The following EPHA5 variants were observed in gnomAD, a reference collection of about 807,000 sequenced individuals.
The protein encoded by EPHA5 is EPH receptor A5, also known as ephrin type-A receptor 5.
A neutral mutation model predicts 105.0 loss-of-function variants in EPHA5; 60 were observed. That is an observed-to-expected ratio of 0.57 (90% CI 0.46 to 0.71). The LOEUF is 0.71. Among genes scored for constraint, EPHA5 ranks in the 30% least tolerant of loss-of-function variants. The pLI is 0.00. For synonymous variants in EPHA5, 513 were observed against 449.1 expected (o/e 1.14, Z -1.80); for missense variants, 1,218 against 1,274.7 (o/e 0.96, Z 0.68).
At chr4:65,626,510 C>A (rs1746174438) in intron 2 of EPHA5, among the ~76,000 whole-genome samples, 1 of 152,004 alleles carries the variant, frequency 6.6e-6, no homozygotes, top group South Asian at 2.1e-4. Context: ...GTATTTAATT[C>A]TACAATAATA....
chr4:65,584,955 T>C (rs1023860972), intron 3 of EPHA5, among the ~76,000 whole-genome samples: 2 of 152,014 alleles, frequency 1.3e-5, no homozygotes, highest in Admixed American at 1.3e-4. Flanking sequence ...GAGGAAATGC[T>C]GTTCTCTCCA....
intron 3 of EPHA5, among the ~76,000 whole-genome samples, chr4:65,588,771 T>G (rs1200885987): frequency 6.6e-6 from 1 of 152,172 alleles, no homozygotes; most frequent in East Asian, 1.9e-4. Flanking sequence ...AGAAAGCTTC[T>G]GAGTCCTTAA....
At chr4:65,431,997 A>G (rs571401122) in intron 5 of EPHA5, among the ~76,000 whole-genome samples, 2 of 152,228 alleles carry the variant, frequency 1.3e-5, no homozygotes, top group South Asian at 2.1e-4. Flanking sequence ...AAGACATAAT[A>G]GAATATTAGT....
At chr4:65,493,565 TAGAA>T (rs1221303583) in intron 4 of EPHA5, among the ~76,000 whole-genome samples, 1 of 152,164 alleles carries the variant, frequency 6.6e-6, no homozygotes, top group Non-Finnish European at 1.5e-5. Context: ...GATTATGTAT[TAGAA>T]AGATCTTATA....
chr4:65,371,230 T>C lies in EPHA5; in HGVS notation c.1794-3806A>G, dbSNP rs28578559. Among the ~76,000 whole-genome samples the C allele has an allele frequency of 3.4e-3, 513 of 152,254 alleles. 2 individuals carry two copies. The highest frequency in any genetic ancestry group is 0.012 in the African/African-American group (478 of 41,564). The stretch of plus-strand genomic sequence containing the variant: ...CACATCCTCTAATCATTTATACTCA[T>C]GTCCTTTTGGAAAACAATGTGCTTT... On this transcript the variant is annotated intron_variant, in intron 8 of 16. Transcript: ENST00000613740.
chr4:65,452,232 T>A (rs1434921507), intron 5 of EPHA5, among the ~76,000 whole-genome samples: 1 of 152,162 alleles, frequency 6.6e-6, no homozygotes, highest in Non-Finnish European at 1.5e-5. Flanking sequence ...AGATTACTAT[T>A]TGGTGTGGTG....
chr4:65,497,371 G>A (rs969069813), intron 3 of EPHA5, among the ~76,000 whole-genome samples: 8 of 152,110 alleles, frequency 5.3e-5, no homozygotes, highest in Non-Finnish European at 1.2e-4. Context: ...TAATTATAGT[G>A]ATAGTAAAGC....
rs1317284710 is a variant in EPHA5 at position 65,323,445 on chromosome 4, A to G, written c.*669T>C. The G allele has an allele frequency of 8.7e-6, 2 of 230,092 alleles. No homozygotes were observed. The highest frequency in any genetic ancestry group is 2.2e-5 in the African/African-American group (1 of 45,150). The allele number at this position is 230,092 out of a possible 1,614,324, so 14.3% of individuals were successfully genotyped here. A position where few individuals can be genotyped will look rare whatever the true frequency, so the allele number is the denominator to read the frequency against. ...GTATATTGCAAATTATACAGTATATACACATTTATTACCTAATAATCTCTA... is the reference window on the plus strand; with the variant it reads ...GTATATTGCAAATTATACAGTATATGCACATTTATTACCTAATAATCTCTA... On this transcript the variant is annotated 3_prime_UTR_variant, in exon 17 of 17. Transcript: ENST00000613740.
chr4:65,362,104 T>C (rs1291481343), intron 11 of EPHA5, among the ~76,000 whole-genome samples: 1 of 151,594 alleles, frequency 6.6e-6, no homozygotes. Flanking sequence ...CTTTAGAATA[T>C]ATGTATCTAT....
chr4:65,431,134 T>C (rs551899224), intron 5 of EPHA5, among the ~76,000 whole-genome samples: 45 of 152,224 alleles, frequency 3.0e-4, no homozygotes, highest in Non-Finnish European at 4.3e-4. Context: ...AGATAAATCC[T>C]CACAACGATT....
intron 2 of EPHA5, among the ~76,000 whole-genome samples, chr4:65,612,050 G>T (rs903287310): frequency 7.2e-5 from 8 of 110,780 alleles, no homozygotes; most frequent in African/African-American, 2.8e-4. Flanking sequence ...GGAAAGAAAA[G>T]AAAAGAAAAG....
intron 15 of EPHA5, among the ~76,000 whole-genome samples, chr4:65,333,478 T>C (rs17086089): frequency 0.25 from 37,572 of 150,964 alleles, 4,789 homozygotes; most frequent in East Asian, 0.33. Flanking sequence ...TCTTGAAATC[T>C]TACTCTGTCT....
chr4:65,619,719 A>G (rs1011849488), intron 2 of EPHA5, among the ~76,000 whole-genome samples: 1 of 152,028 alleles, frequency 6.6e-6, no homozygotes, highest in Non-Finnish European at 1.5e-5. Flanking sequence ...ATTATTATAT[A>G]TATATGCCAT....
In EPHA5 at chr4:65,588,995, T is replaced by C. The variant is rs533124287; in HGVS notation, c.910+12646A>G. On this transcript the variant is annotated intron_variant, in intron 3 of 16. Coordinates refer to ENST00000613740, the MANE Select transcript of EPHA5 (RefSeq NM_001281766.3). ...TTTAAACTTTTAAATCTAACTAGCA[T>C]GTATTGAGGATTTTCTTTGTGCCAA... Among the ~76,000 whole-genome samples, 10 of 152,236 alleles carry C rather than the reference T, an allele frequency of 6.6e-5. 1 individual carries two copies. Among genetic ancestry groups the C allele is most frequent in the Non-Finnish European group, 1.5e-4 (10 of 68,042 alleles).
At chr4:65,501,886 T>C (rs1481034276) in intron 3 of EPHA5, among the ~76,000 whole-genome samples, 1 of 151,718 alleles carries the variant, frequency 6.6e-6, no homozygotes, top group East Asian at 1.9e-4. Context: ...AATAGCACGG[T>C]ACTGGTAGAA....
chr4:65,355,291 C>G lies in EPHA5; in HGVS notation c.2174-2188G>C, dbSNP rs150072467. On this transcript the variant is annotated intron_variant, in intron 11 of 16. Coordinates refer to ENST00000613740, the MANE Select transcript of EPHA5 (RefSeq NM_001281766.3). ...TTAAAACTAGATGGAAGTGAAATTTCTTAGTAGAAAAATAATTATTTAGGT... is the reference window on the plus strand; with the variant it reads ...TTAAAACTAGATGGAAGTGAAATTTGTTAGTAGAAAAATAATTATTTAGGT... 2.6e-5 allele frequency among the ~76,000 whole-genome samples: 4 copies of G among 151,588 alleles called. No individual in the cohort carries two copies. The East Asian group carries it at 7.8e-4, about 30-fold the overall frequency.
At chr4:65,534,091 C>T (rs1278412761) in intron 3 of EPHA5, among the ~76,000 whole-genome samples, 1 of 152,142 alleles carries the variant, frequency 6.6e-6, no homozygotes, top group Non-Finnish European at 1.5e-5. Flanking sequence ...CACAAAATGT[C>T]TGTGCCCAAA....
intron 5 of EPHA5, among the ~76,000 whole-genome samples, chr4:65,464,668 T>C (rs558593804): frequency 6.6e-6 from 1 of 152,256 alleles, no homozygotes; most frequent in Non-Finnish European, 1.5e-5. Context: ...AGGGGGAATG[T>C]TGACAAAATT....
chr4:65,479,100 G>A (rs1194010552), intron 5 of EPHA5, among the ~76,000 whole-genome samples: 1 of 152,092 alleles, frequency 6.6e-6, no homozygotes, highest in Non-Finnish European at 1.5e-5. Flanking sequence ...TCATGCTACT[G>A]AGTAGATTAT....
Sources: gnomAD v4.1 joint callset for allele counts (sites outside exome capture counted in the v4.1 genomes callset) on GRCh38, gnomAD v4.1.1 for gene constraint, MANE v1.5 for transcripts, NCBI Gene and HGNC (gene_info 2026-07-23, HGNC 2026-07-21) for gene names.